LRRIQ3: variants seen among roughly 807,000 people sequenced by gnomAD.
The protein encoded by LRRIQ3 is leucine-rich repeat and IQ domain-containing protein 3.
Under a neutral mutation model 59.3 loss-of-function variants are expected in LRRIQ3, and 75 were observed. The ratio of observed to expected loss-of-function variants is 1.26; its 90% confidence interval spans 1.05 to 1.53. The LOEUF (loss-of-function observed/expected upper bound fraction) is 1.53, where lower values mean the gene tolerates loss of function less well. LRRIQ3 is among the 40% of genes most tolerant of loss of function. The pLI is 0.00. For missense variants in LRRIQ3, 831 were observed against 710.0 expected (o/e 1.17, Z -1.94); for synonymous variants, 250 against 231.3 (o/e 1.08, Z -0.73).
At chr1:74,141,299 G>C (rs1341259593) in intron 4 of LRRIQ3, among the ~76,000 whole-genome samples, 1 of 151,614 alleles carries the variant, frequency 6.6e-6, no homozygotes, top group Non-Finnish European at 1.5e-5. Flanking sequence ...TTTCTTAATA[G>C]TACATGATAG....
intron 4 of LRRIQ3, among the ~76,000 whole-genome samples, chr1:74,117,592 C>G (rs1646794578): frequency 3.3e-5 from 5 of 152,032 alleles, no homozygotes; most frequent in Admixed American, 3.3e-4. Flanking sequence ...GTGGTGAAAC[C>G]TTGTCTCTAG....
chr1:74,117,498 G>C (rs142879564), intron 4 of LRRIQ3, among the ~76,000 whole-genome samples: 136 of 152,270 alleles, frequency 8.9e-4, no homozygotes, highest in African/African-American at 3.1e-3. Context: ...TAGTGAGGTG[G>C]CTCATGCCTG....
At chr1:74,155,202 C>T (rs111827392) in intron 4 of LRRIQ3, among the ~76,000 whole-genome samples, 9 of 152,306 alleles carry the variant, frequency 5.9e-5, no homozygotes, top group African/African-American at 2.2e-4. Context: ...ATATGTTTGA[C>T]ATTTGGTATG....
At chr1:74,138,483 G>T (rs546199913) in intron 4 of LRRIQ3, 2 of 984,716 alleles carry the variant, frequency 2.0e-6, no homozygotes, top group Non-Finnish European at 2.4e-6. Context: ...CCAGAGTTCA[G>T]CTAGGCATGT....
chr1:74,181,638 C>G (rs896627627), intron 3 of LRRIQ3: 1 of 151,660 alleles, frequency 6.6e-6, no homozygotes, highest in Non-Finnish European at 1.5e-5. Context: ...TAAATACTAC[C>G]TTGTTTTTTA....
At chr1:74,099,894 A>C (rs558034051) in intron 5 of LRRIQ3, among the ~76,000 whole-genome samples, 1 of 152,330 alleles carries the variant, frequency 6.6e-6, no homozygotes, top group South Asian at 2.1e-4. Flanking sequence ...TTAGGTATTA[A>C]TGGGATGTAT....
chr1:74,183,174 A>T (rs1396017674), intron 2 of LRRIQ3: 3 of 318,158 alleles, frequency 9.4e-6, no homozygotes, highest in Non-Finnish European at 1.7e-5. Context: ...AGGAAAATTA[A>T]GGAATCATGA....
Position 74,134,811 on chromosome 1 carries a change from A to G in LRRIQ3, c.707+20922T>C, listed in dbSNP as rs934713039. 2.6e-5 allele frequency among the ~76,000 whole-genome samples: 4 copies of G among 151,930 alleles called. No homozygotes were observed. The East Asian group carries it at 5.8e-4, about 22-fold the overall frequency. The stretch of plus-strand genomic sequence containing the variant: ...CAGTAGAAAATACCTGTTTAATATA[A>G]AAGAATGTGGTAAAGGAGAAATACA... On this transcript the variant is annotated intron_variant, in intron 4 of 7. Coordinates refer to ENST00000354431, the MANE Select transcript of LRRIQ3 (RefSeq NM_001105659.2).
intron 7 of LRRIQ3, among the ~76,000 whole-genome samples, chr1:74,030,822 A>G (rs961794315): frequency 1.2e-4 from 19 of 152,120 alleles, no homozygotes; most frequent in African/African-American, 3.9e-4. Context: ...GAATGAACAG[A>G]CAACCTACAG....
rs551780330 is a variant in LRRIQ3, at chr1:74,079,739, T to C, written c.868-4949A>G. 5.3e-5 allele frequency among the ~76,000 whole-genome samples: 8 copies of C among 151,896 alleles called. No individual in the cohort carries two copies. In the South Asian group the frequency reaches 1.7e-3, roughly 31 times the overall value. Reference sequence around the variant, plus strand: ...CTGAATGAATATAGCCAAAGAGAAATAGCAGAAGGAATGAGTGGAGATTTA... The same window carrying C: ...CTGAATGAATATAGCCAAAGAGAAACAGCAGAAGGAATGAGTGGAGATTTA... On this transcript the variant is annotated intron_variant, in intron 5 of 7. Transcript: ENST00000354431.
intron 4 of LRRIQ3, among the ~76,000 whole-genome samples, chr1:74,133,169 C>T (rs1647055406): frequency 6.6e-6 from 1 of 152,114 alleles, no homozygotes; most frequent in Non-Finnish European, 1.5e-5. Flanking sequence ...GAGATACCAC[C>T]TCACACCAGT....
chr1:74,091,430 T>C (rs1350038041), intron 5 of LRRIQ3, among the ~76,000 whole-genome samples: 1 of 152,064 alleles, frequency 6.6e-6, no homozygotes. Flanking sequence ...ACAAAGACTA[T>C]AGAGTTACTC....
intron 6 of LRRIQ3, 103 bp from the exon 7 acceptor site, chr1:74,042,036 T>A (rs976744958): frequency 8.5e-7 from 1 of 1,174,498 alleles, no homozygotes. Flanking sequence ...TTTTATTTAC[T>A]TTACTAAGAA....
chr1:74,032,142 A>G (rs1231290529), intron 7 of LRRIQ3, among the ~76,000 whole-genome samples: 1 of 151,954 alleles, frequency 6.6e-6, no homozygotes, highest in African/African-American at 2.4e-5. Context: ...TTTGTTTTAA[A>G]TATATATTAA....
At chr1:74,076,687 T>G (rs1283902989) in intron 5 of LRRIQ3, among the ~76,000 whole-genome samples, 1 of 152,098 alleles carries the variant, frequency 6.6e-6, no homozygotes, top group African/African-American at 2.4e-5. Flanking sequence ...GTTTCTATTA[T>G]TTAAATTTTA....
At chr1:74,107,468 C>G (rs1646630704) in intron 5 of LRRIQ3, among the ~76,000 whole-genome samples, 1 of 151,510 alleles carries the variant, frequency 6.6e-6, no homozygotes, top group South Asian at 2.1e-4. Flanking sequence ...CACAAGAAAT[C>G]AGGTAGCTCA....
chr1:74,039,749 C>CA (rs1413518455), intron 7 of LRRIQ3, among the ~76,000 whole-genome samples: 27 of 152,284 alleles, frequency 1.8e-4, no homozygotes, highest in Admixed American at 1.2e-3. Flanking sequence ...GGGATTTCAT[C>CA]ACCACCAGGC....
At chr1:74,174,051 C>T (rs1649489312) in intron 3 of LRRIQ3, among the ~76,000 whole-genome samples, 1 of 151,968 alleles carries the variant, frequency 6.6e-6, no homozygotes, top group African/African-American at 2.4e-5. Context: ...GTATAGGTAT[C>T]CATTTCTTTC....
At chr1:74,044,788 G>A (rs563885118) in intron 6 of LRRIQ3, among the ~76,000 whole-genome samples, 1 of 152,066 alleles carries the variant, frequency 6.6e-6, no homozygotes, top group Non-Finnish European at 1.5e-5. Flanking sequence ...TATCACCACC[G>A]ATTCCACAGA....
Sources: gnomAD v4.1 joint callset for allele counts (sites outside exome capture counted in the v4.1 genomes callset) on GRCh38, gnomAD v4.1.1 for gene constraint, MANE v1.5 for transcripts, NCBI Gene and HGNC (gene_info 2026-07-23, HGNC 2026-07-21) for gene names.